The following UNC5C variants were observed in gnomAD, a reference collection of about 807,000 sequenced individuals.
The protein encoded by UNC5C is unc-5 netrin receptor C.
In UNC5C, 47 loss-of-function variants were observed where a neutral mutation model predicts 99.8. The ratio of observed to expected loss-of-function variants is 0.47; its 90% CI spans 0.37 to 0.60. The LOEUF (loss-of-function observed/expected upper bound fraction) is 0.60. UNC5C is among the 20% of genes least tolerant of loss of function. The pLI, the probability that UNC5C is intolerant of heterozygous loss-of-function variation, is 0.00. For synonymous variants in UNC5C, 487 were observed against 452.2 expected, an observed-to-expected ratio of 1.08 and a Z score of -0.98; for missense variants, 1,062 against 1,165.9, an observed-to-expected ratio of 0.91 and a Z score of 1.30.
chr4:95,486,206 A>G (rs1485783342), intron 1 of UNC5C, among the ~76,000 whole-genome samples: 1 of 151,792 alleles, frequency 6.6e-6, no homozygotes, highest in Non-Finnish European at 1.5e-5. Context: ...TTATTATTAT[A>G]TTAATCTTAA....
intron 5 of UNC5C, chr4:95,248,147 C>T (rs1292063523): frequency 5.9e-6 from 1 of 168,484 alleles, no homozygotes; most frequent in Non-Finnish European, 1.3e-5. Flanking sequence ...TTTCTCTTCT[C>T]ATAAACACAC....
intron 3 of UNC5C, among the ~76,000 whole-genome samples, chr4:95,292,500 C>G (rs1173472026): frequency 1.3e-5 from 2 of 151,984 alleles, no homozygotes; most frequent in Non-Finnish European, 2.9e-5. Context: ...AGGAATCACC[C>G]TAGGCGTTTT....
chr4:95,458,818 T>A (rs1458221997), intron 1 of UNC5C, among the ~76,000 whole-genome samples: 1 of 152,112 alleles, frequency 6.6e-6, no homozygotes, highest in Non-Finnish European at 1.5e-5. Flanking sequence ...GTTATTACTA[T>A]TATTTAATAG....
At chr4:95,238,633 C>T (rs1739214123) in intron 7 of UNC5C, among the ~76,000 whole-genome samples, 1 of 152,106 alleles carries the variant, frequency 6.6e-6, no homozygotes, top group South Asian at 2.1e-4. Flanking sequence ...ATCTTGATTA[C>T]CTGAAAATCT....
At chr4:95,210,076 G>A (rs1738024551) in intron 10 of UNC5C, among the ~76,000 whole-genome samples, 1 of 152,154 alleles carries the variant, frequency 6.6e-6, no homozygotes, top group African/African-American at 2.4e-5. Flanking sequence ...ACTTGGAACA[G>A]AAGGGAGAAG....
At chr4:95,181,740 AATG>A (rs1278359718) in intron 14 of UNC5C, among the ~76,000 whole-genome samples, 1 of 152,112 alleles carries the variant, frequency 6.6e-6, no homozygotes, top group Non-Finnish European at 1.5e-5. Flanking sequence ...TACAGGAGGA[AATG>A]ATGACCGCAC....
intron 1 of UNC5C, among the ~76,000 whole-genome samples, chr4:95,392,661 G>A (rs1417860822): frequency 6.6e-6 from 1 of 151,578 alleles, no homozygotes; most frequent in Non-Finnish European, 1.5e-5. Context: ...GGCTGGTCTC[G>A]AACTGCTAAC....
At chr4:95,238,731 A>G (rs1304040590) in intron 7 of UNC5C, among the ~76,000 whole-genome samples, 3 of 152,126 alleles carry the variant, frequency 2.0e-5, no homozygotes, top group Non-Finnish European at 4.4e-5. Flanking sequence ...ATATTCACTT[A>G]TGTATTAACA....
intron 1 of UNC5C, among the ~76,000 whole-genome samples, chr4:95,500,377 C>T (rs1721746753): frequency 6.6e-6 from 1 of 151,884 alleles, no homozygotes; most frequent in African/African-American, 2.4e-5. Flanking sequence ...TATGATGGCC[C>T]TTGTGCTTAT....
intron 1 of UNC5C, among the ~76,000 whole-genome samples, chr4:95,547,207 C>T (rs1280232487): frequency 1.3e-5 from 2 of 152,020 alleles, no homozygotes; most frequent in Non-Finnish European, 2.9e-5. Context: ...AGAGCAGAAC[C>T]TCAGGGATGG....
intron 1 of UNC5C, among the ~76,000 whole-genome samples, chr4:95,365,624 T>C (rs1744536467): frequency 6.6e-6 from 1 of 152,074 alleles, no homozygotes; most frequent in Non-Finnish European, 1.5e-5. Flanking sequence ...AATATTCTTT[T>C]CAATGCTCAA....
intron 7 of UNC5C, among the ~76,000 whole-genome samples, chr4:95,239,522 G>A (rs1307813674): frequency 2.0e-5 from 3 of 152,024 alleles, no homozygotes; most frequent in Admixed American, 6.6e-5. Context: ...TCCAGTCCCC[G>A]GGACCCATGT....
At chr4:95,468,858 G>T (rs577625905) in intron 1 of UNC5C, among the ~76,000 whole-genome samples, 7 of 152,256 alleles carry the variant, frequency 4.6e-5, no homozygotes, top group African/African-American at 1.7e-4. Flanking sequence ...AATAAAAAAA[G>T]AACTTTAAAA....
At chr4:95,496,482 C>T (rs1721634108) in intron 1 of UNC5C, among the ~76,000 whole-genome samples, 1 of 151,748 alleles carries the variant, frequency 6.6e-6, no homozygotes. Flanking sequence ...TTCCCATCCT[C>T]AGTCATTTGT....
intron 14 of UNC5C, among the ~76,000 whole-genome samples, chr4:95,175,276 G>T (rs1394794681): frequency 0.015 from 2,220 of 148,526 alleles, 55 homozygotes; most frequent in African/African-American, 0.053. Flanking sequence ...GTGAATTTGA[G>T]CCTGTCATTA....
chr4:95,315,324 C>T (rs977283912), intron 2 of UNC5C, among the ~76,000 whole-genome samples: 6 of 152,094 alleles, frequency 3.9e-5, no homozygotes, highest in Non-Finnish European at 7.4e-5. Flanking sequence ...AGGAAGGTGA[C>T]CTTGTTCAGG....
chr4:95,407,253 G>GT (rs1016377681), intron 1 of UNC5C, among the ~76,000 whole-genome samples: 3 of 152,176 alleles, frequency 2.0e-5, no homozygotes, highest in African/African-American at 7.2e-5. Context: ...GAATAAAGGT[G>GT]TTTTTTGGGA....
intron 12 of UNC5C, among the ~76,000 whole-genome samples, chr4:95,199,708 A>G (rs1033645123): frequency 1.3e-5 from 2 of 152,338 alleles, no homozygotes; most frequent in East Asian, 1.9e-4. Context: ...GTGTGTGAAT[A>G]TAAAATATGT....
intron 2 of UNC5C, among the ~76,000 whole-genome samples, chr4:95,313,428 AATT>A (rs1410822801): frequency 6.6e-6 from 1 of 152,216 alleles, no homozygotes; most frequent in Non-Finnish European, 1.5e-5. Context: ...TTTTAATTTT[AATT>A]ATTATTACAA....
Sources: allele counts gnomAD v4.1 joint callset (sites outside exome capture counted in the v4.1 genomes callset), GRCh38; gene constraint gnomAD v4.1.1; transcripts MANE v1.5; gene names NCBI Gene and HGNC (gene_info 2026-07-23, HGNC 2026-07-21).